Variants in DDX10 observed in about 807,000 individuals in gnomAD.
DDX10 encodes probable ATP-dependent RNA helicase DDX10.
In DDX10, 74 loss-of-function variants were observed where a neutral mutation model predicts 104.3. That is an observed-to-expected ratio of 0.71 (90% CI 0.59 to 0.86). DDX10 has a LOEUF of 0.86. DDX10 is among the 40% of genes least tolerant of loss of function. The pLI is 0.00. For missense variants in DDX10, 952 were observed against 1,040.0 expected, an observed-to-expected ratio of 0.92 and a Z score of 1.16; for synonymous variants, 351 against 353.4, an observed-to-expected ratio of 0.99 and a Z score of 0.08.
intron 13 of DDX10, among the ~76,000 whole-genome samples, chr11:108,792,224 A>G (rs1354987267): frequency 2.6e-5 from 4 of 152,124 alleles, no homozygotes; most frequent in African/African-American, 9.7e-5. Context: ...TTGTCTTTTT[A>G]CTTGCCTGAT....
intron 8 of DDX10, 89 bp downstream of exon 8, chr11:108,692,127 A>G (rs1339496465): frequency 2.5e-6 from 3 of 1,200,750 alleles, no homozygotes; most frequent in East Asian, 2.5e-5. Flanking sequence ...GATAGACTCA[A>G]ACACTTGGGT....
chr11:108,813,184 T>G (rs1862209430), intron 13 of DDX10, among the ~76,000 whole-genome samples: 1 of 152,140 alleles, frequency 6.6e-6, no homozygotes, highest in Admixed American at 6.6e-5. Flanking sequence ...GTGAAATAAC[T>G]AAGTCAAAGG....
chr11:108,928,137 AAT>A (rs1350060354), intron 17 of DDX10, among the ~76,000 whole-genome samples: 5 of 151,476 alleles, frequency 3.3e-5, no homozygotes, highest in Non-Finnish European at 5.9e-5. Flanking sequence ...CTTCTGTGAT[AAT>A]ATGTTATTTG....
intron 15 of DDX10, among the ~76,000 whole-genome samples, chr11:108,841,994 C>T (rs1460334497): frequency 6.6e-6 from 1 of 152,120 alleles, no homozygotes; most frequent in Non-Finnish European, 1.5e-5. Context: ...TTTCACCATT[C>T]AACCATTGGA....
chr11:108,739,796 A>G (rs1340953070), intron 13 of DDX10, among the ~76,000 whole-genome samples: 4 of 152,144 alleles, frequency 2.6e-5, no homozygotes, highest in African/African-American at 7.2e-5. Flanking sequence ...CCGAGTGAGT[A>G]TCTTGTGTGA....
intron 17 of DDX10, chr11:108,918,730 T>C (rs1166254100): frequency 6.6e-6 from 1 of 152,236 alleles, no homozygotes; most frequent in African/African-American, 2.4e-5. Context: ...ATTTATTTGC[T>C]ACCATTGGCA....
intron 13 of DDX10, among the ~76,000 whole-genome samples, chr11:108,810,117 T>C (rs1454052859): frequency 6.6e-6 from 1 of 152,200 alleles, no homozygotes; most frequent in Non-Finnish European, 1.5e-5. Flanking sequence ...GAGTTCCATC[T>C]GAATAGATGG....
chr11:108,702,867 G>C lies in DDX10; in HGVS notation c.1224-3872G>C, dbSNP rs528298249. Among the ~76,000 whole-genome samples the C allele has an allele frequency of 4.6e-5, 7 of 152,242 alleles. No individual in the cohort carries two copies. In the South Asian group the frequency reaches 1.2e-3, roughly 27 times the overall value. On this transcript the variant is annotated intron_variant, in intron 9 of 17. Transcript: ENST00000322536. ...AGCTGATTTTAGGCCAACCTCTTGG[G>C]CTCTCAGAAATACTATTTTGTATTG...
intron 13 of DDX10, among the ~76,000 whole-genome samples, chr11:108,778,319 C>T (rs538379319): frequency 2.0e-5 from 3 of 152,324 alleles, no homozygotes; most frequent in Non-Finnish European, 4.4e-5. Flanking sequence ...GTAACCAAAA[C>T]AGCATGGTAC....
At chr11:108,923,944 C>G (rs1421931025) in intron 17 of DDX10, among the ~76,000 whole-genome samples, 1 of 152,080 alleles carries the variant, frequency 6.6e-6, no homozygotes, top group Non-Finnish European at 1.5e-5. Flanking sequence ...CGTTTAAACT[C>G]TTCTTTCAAT....
intron 8 of DDX10, 143 bp from the exon 9 acceptor site, chr11:108,693,373 A>C: frequency 1.4e-6 from 1 of 736,846 alleles, no homozygotes; most frequent in South Asian, 1.5e-5. Flanking sequence ...CATGCAATTA[A>C]TTTTATTTTT....
chr11:108,933,135 C>A (rs761972115), intron 17 of DDX10, among the ~76,000 whole-genome samples: 1 of 151,894 alleles, frequency 6.6e-6, no homozygotes, highest in Non-Finnish European at 1.5e-5. Flanking sequence ...ACAACTCGGA[C>A]AAGTGAGAGT....
chr11:108,669,001 G>C (rs2094213663), intron 1 of DDX10, among the ~76,000 whole-genome samples: 1 of 152,088 alleles, frequency 6.6e-6, no homozygotes, highest in South Asian at 2.1e-4. Flanking sequence ...GCTGATGTGG[G>C]CTGGATTTCA....
chr11:108,697,448 A>C (rs947585238), intron 9 of DDX10, among the ~76,000 whole-genome samples: 3 of 152,196 alleles, frequency 2.0e-5, no homozygotes, highest in African/African-American at 7.2e-5. Flanking sequence ...TAGGAAAACA[A>C]ATTCATTAGC....
At chr11:108,912,845 C>G (rs1863698022) in intron 16 of DDX10, among the ~76,000 whole-genome samples, 2 of 152,194 alleles carry the variant, frequency 1.3e-5, no homozygotes, top group South Asian at 4.1e-4. Context: ...GACTATTCCT[C>G]TACCTCCACC....
rs1445556038 is a variant in DDX10, at chr11:108,901,810, A to G, written c.2305-16063A>G. Among the ~76,000 whole-genome samples the G allele has an allele frequency of 3.3e-5, 5 of 152,314 alleles. No homozygotes were observed. In the South Asian group the frequency reaches 1.0e-3, roughly 32 times the overall value. On this transcript the variant is annotated intron_variant, in intron 16 of 17. Coordinates refer to ENST00000322536, the MANE Select transcript of DDX10 (RefSeq NM_004398.4). Reference sequence around the variant, plus strand: ...AACCAAAATGTTTTACCACCTATCTAGGGATTTTGATATCTAGGGTATTAA... The same window carrying G: ...AACCAAAATGTTTTACCACCTATCTGGGGATTTTGATATCTAGGGTATTAA...
intron 15 of DDX10, 24 bp downstream of exon 15, chr11:108,841,500 T>C (rs750441401): frequency 6.2e-7 from 1 of 1,605,774 alleles, no homozygotes; most frequent in Non-Finnish European, 8.5e-7. Context: ...CTTGAATTCA[T>C]ACTGAGTAAA....
At chr11:108,709,277 A>G (rs2094280814) in intron 10 of DDX10, among the ~76,000 whole-genome samples, 1 of 152,134 alleles carries the variant, frequency 6.6e-6, no homozygotes, top group South Asian at 2.1e-4. Flanking sequence ...ATTGGTCTGT[A>G]GTTTTTTCTC....
intron 13 of DDX10, among the ~76,000 whole-genome samples, chr11:108,831,143 C>A (rs546424580): frequency 6.6e-6 from 1 of 152,098 alleles, no homozygotes; most frequent in East Asian, 1.9e-4. Context: ...TGGTGGCTTA[C>A]GCCTGTAATC....
Sources: gnomAD v4.1 joint callset for allele counts (sites outside exome capture counted in the v4.1 genomes callset) on GRCh38, gnomAD v4.1.1 for gene constraint, MANE v1.5 for transcripts, NCBI Gene and HGNC (gene_info 2026-07-23, HGNC 2026-07-21) for gene names.